Variants in ATP13A3 observed in about 807,000 individuals in gnomAD.
The protein encoded by ATP13A3 is ATPase 13A3, also known as polyamine-transporting ATPase 13A3.
ATP13A3 carries 59 observed loss-of-function variants against 158.1 expected under a neutral mutation model. The ratio of observed to expected loss-of-function variants is 0.37; its 90% CI spans 0.30 to 0.46. The LOEUF (loss-of-function observed/expected upper bound fraction) is 0.46. ATP13A3 is among the 20% of genes least tolerant of loss of function. The pLI is 1.00. For synonymous variants in ATP13A3, 491 were observed against 504.3 expected (o/e 0.97, Z 0.35); for missense variants, 1,166 against 1,525.2 (o/e 0.76, Z 3.92).
Position 194,427,125 on chromosome 3 carries a change from A to C in ATP13A3, c.3075T>G (p.Phe1025Leu). The C allele has an allele frequency of 1.9e-6, 3 of 1,613,914 alleles. No individual in the cohort carries two copies. The highest frequency in any genetic ancestry group is 2.5e-6 in the Non-Finnish European group (3 of 1,179,976). Residue 1025 changes from phenylalanine (F) to leucine (L), a missense_variant, in exon 29 of 34, where the codon TTT (phenylalanine) becomes TTG (leucine). Transcript: ENST00000645319. ...IICIGFQSLG[F>L]FWVKQQPWYE... Reference sequence around the variant, plus strand: ...ACCAAGGTTGCTGTTTGACCCAAAAAAAACCCAAAGATTGAAATCCAATGC... The same window carrying C: ...ACCAAGGTTGCTGTTTGACCCAAAACAAACCCAAAGATTGAAATCCAATGC...
At position 194,447,972 on chromosome 3, in the gene ATP13A3, T is replaced by C. The variant is rs1319961776; in HGVS notation, c.1188A>G (p.Ile396Met). Residue 396 changes from isoleucine (I) to methionine (M), a missense_variant, in exon 13 of 34, where the codon ATA becomes ATG. Ile to Met is a conservative substitution (Grantham distance 10). Coordinates refer to ENST00000645319, the MANE Select transcript of ATP13A3 (RefSeq NM_001367549.1). ...STSKGQLVRS[I>M]LYPKPTDFKL... ...TAAAATCAGTTGGTTTGGGATACAA[T>C]ATGGAACGAACAAGCTGTCCTTTGG... is the stretch of plus-strand genomic sequence containing the variant. 4 of 1,610,152 alleles carry C rather than the reference T, an allele frequency of 2.5e-6. No individual in the cohort carries two copies. Among genetic ancestry groups the C allele is most frequent in the East Asian group, 2.2e-5 (1 of 44,820 alleles).
At chr3:194,462,027 T>G in intron 3 of ATP13A3, 113 bp downstream of exon 3, 2 of 935,934 alleles carry the variant, frequency 2.1e-6, no homozygotes, top group Non-Finnish European at 3.4e-6. Context: ...AAGAAGCCCA[T>G]TGAGTTAGCT....
At chr3:194,447,793 A>G (rs1372540627) in intron 13 of ATP13A3, 59 bp downstream of exon 13, 42 of 1,434,014 alleles carry the variant, frequency 2.9e-5, no homozygotes, top group Non-Finnish European at 3.6e-5. Context: ...CAAATCCTCA[A>G]TAGCTGCATA....
At chr3:194,476,896 G>A (rs762588516) in intron 2 of ATP13A3, among the ~76,000 whole-genome samples, 4 of 152,136 alleles carry the variant, frequency 2.6e-5, no homozygotes, top group East Asian at 1.9e-4. Flanking sequence ...GAACTGGGGC[G>A]GAAGGGAGCC....
chr3:194,411,333 C>T (rs1338690671), intron 33 of ATP13A3, among the ~76,000 whole-genome samples: 3 of 152,156 alleles, frequency 2.0e-5, no homozygotes, highest in Non-Finnish European at 4.4e-5. Flanking sequence ...GAGTGAAAGA[C>T]TCAGAGCTCC....
chr3:194,454,493 A>G (rs898083793), intron 8 of ATP13A3, 101 bp from the exon 9 acceptor site: 9 of 1,267,238 alleles, frequency 7.1e-6, no homozygotes, highest in Middle Eastern at 2.4e-4. Flanking sequence ...AATATGTACA[A>G]GATAAGCTCC....
In ATP13A3 at chr3:194,410,296, C is replaced by A. The variant is rs1174364674; in HGVS notation, c.3573+1903G>T. ...GCAACATGGCAAAACCTCCTCTCTGCAAAAAAAAAAAAAAAAAAAAAAAAA... is the reference window on the plus strand; with the variant it reads ...GCAACATGGCAAAACCTCCTCTCTGAAAAAAAAAAAAAAAAAAAAAAAAAA... On this transcript the variant is annotated intron_variant, in intron 33 of 33. Transcript: ENST00000645319. 3.3e-3 allele frequency among the ~76,000 whole-genome samples: 72 copies of A among 21,818 alleles called. 3 individuals are homozygous for A. The highest frequency in any genetic ancestry group is 4.4e-3 in the Non-Finnish European group (57 of 12,988). 14.3% of individuals were successfully genotyped at this position (21,818 alleles called of 152,430 possible).
At chr3:194,413,915 A>AT (rs1715623215) in intron 31 of ATP13A3, 76 bp from the exon 32 acceptor site, 1 of 1,269,498 alleles carries the variant, frequency 7.9e-7, no homozygotes, top group South Asian at 1.2e-5. Flanking sequence ...TAATTTCTAA[A>AT]TTTATTGAAT....
At chr3:194,481,974 T>C (rs2131910) in intron 2 of ATP13A3, among the ~76,000 whole-genome samples, 30,693 of 152,162 alleles carry the variant, frequency 0.2, 6,688 homozygotes, top group African/African-American at 0.54. Context: ...CTAGCAAAGG[T>C]TCCAATATGA....
chr3:194,439,631 TATCTTAAC>T (rs1488628470), intron 16 of ATP13A3, among the ~76,000 whole-genome samples: 1 of 152,246 alleles, frequency 6.6e-6, no homozygotes, highest in Non-Finnish European at 1.5e-5. Context: ...CCTTTTTTCG[TATCTTAAC>T]ATCTCTAAAA....
At position 194,431,707 on chromosome 3, in the gene ATP13A3, T is replaced by G; in HGVS notation, c.2421+10A>C. The G allele has an allele frequency of 1.3e-6, 2 of 1,540,468 alleles. No individual in the cohort carries two copies. The highest frequency in any genetic ancestry group is 8.7e-7 in the Non-Finnish European group (1 of 1,145,156). On this transcript the variant is annotated intron_variant, in intron 22 of 33. Transcript: ENST00000645319. ...CAAACTTTAAAACGGACAGTCGATC[T>G]TGACCTTACCTCTGGGTCAATTGCT...
chr3:194,465,356 C>T (rs376266119), intron 2 of ATP13A3, among the ~76,000 whole-genome samples: 7 of 152,136 alleles, frequency 4.6e-5, no homozygotes, highest in Non-Finnish European at 1.0e-4. Flanking sequence ...ACTAAGAACA[C>T]GACTGACCTG....
chr3:194,406,048 C>G lies in ATP13A3; in HGVS notation c.3642G>C (p.Lys1214Asn). Reference protein sequence around the residue: ...WALGCRKKTPKAKYMYLAQEL... With the variant: ...WALGCRKKTPNAKYMYLAQEL... ...CCTGCGCCAGATACATGTACTTTGC[C>G]TTTGGTGTCTTCTTTCTACAGCCCA... Residue 1214 changes from lysine (K) to asparagine (N), a missense_variant, in exon 34 of 34, where the codon AAG becomes AAC. By Grantham distance (94) the Lys-to-Asn change is moderately conservative (BLOSUM62 0). Coordinates refer to ENST00000645319, the MANE Select transcript of ATP13A3 (RefSeq NM_001367549.1). The G allele has an allele frequency of 6.2e-7, 1 of 1,614,158 alleles. No homozygotes were observed. The highest frequency in any genetic ancestry group is 8.5e-7 in the Non-Finnish European group (1 of 1,180,040).
rs775424411 is a variant in ATP13A3 at position 194,444,742 on chromosome 3, T to C, written c.1542A>G (p.Gln514=). 5.6e-6 allele frequency: 9 copies of C among 1,598,252 alleles called. No homozygotes were observed. The East Asian group carries it at 6.7e-5, about 12-fold the overall frequency. ...TEDGLDLWGI[Q]RVENARFLSP... is the part of the protein sequence containing the mutation. Reference sequence around the variant, plus strand: ...ATATTTACCGTGCATTTTCCACTCGTTGAATCCCCCAAAGATCTAAACCAT... The same window carrying C: ...ATATTTACCGTGCATTTTCCACTCGCTGAATCCCCCAAAGATCTAAACCAT... Residue 514 remains glutamine (Q), a synonymous_variant, in exon 15 of 34, where the codon CAA becomes CAG. Coordinates refer to ENST00000645319, the MANE Select transcript of ATP13A3 (RefSeq NM_001367549.1).
intron 1 of ATP13A3, among the ~76,000 whole-genome samples, chr3:194,486,249 G>A (rs1045262317): frequency 1.4e-5 from 2 of 143,472 alleles, no homozygotes; most frequent in Non-Finnish European, 3.0e-5. Context: ...CGAGGGCCCT[G>A]CCAGCACCCC....
intron 2 of ATP13A3, among the ~76,000 whole-genome samples, chr3:194,493,307 C>A (rs763332795): frequency 1.3e-5 from 2 of 152,074 alleles, no homozygotes. Context: ...AATGAATTTA[C>A]GATCTCAGAT....
chr3:194,462,134 G>A lies in ATP13A3; in HGVS notation c.51+6C>T. The A allele has an allele frequency of 1.2e-6, 2 of 1,613,092 alleles. No homozygotes were observed. Among genetic ancestry groups the A allele is most frequent in the African/African-American group, 1.3e-5 (1 of 74,986 alleles). On this transcript the variant is annotated splice_donor_region_variant and intron_variant, in intron 3 of 33. Coordinates refer to ENST00000645319, the MANE Select transcript of ATP13A3 (RefSeq NM_001367549.1). ...ACATCACCAGTAAATTAGAACAGCT[G>A]GTTACCATTTCATCTTCTTGACCCT...
At chr3:194,427,007 A>T in intron 29 of ATP13A3, 68 bp downstream of exon 29, 1 of 1,516,278 alleles carries the variant, frequency 6.6e-7, no homozygotes, top group Non-Finnish European at 8.9e-7. Context: ...TTAACTTCTA[A>T]ACTCATTTTT....
intron 2 of ATP13A3, among the ~76,000 whole-genome samples, chr3:194,472,441 T>C (rs945316798): frequency 2.6e-5 from 4 of 152,184 alleles, no homozygotes; most frequent in African/African-American, 7.2e-5. Flanking sequence ...TACACAAGCA[T>C]AGCCTTTGTA....
Sources: gnomAD v4.1 joint callset for allele counts (sites outside exome capture counted in the v4.1 genomes callset) on GRCh38, gnomAD v4.1.1 for gene constraint, MANE v1.5 for transcripts, NCBI Gene and HGNC (gene_info 2026-07-23, HGNC 2026-07-21) for gene names.